ATAD2B: variants seen among roughly 807,000 people sequenced by gnomAD.
The protein encoded by ATAD2B is ATPase family AAA domain containing 2B, also known as ATPase family AAA domain-containing protein 2B.
ATAD2B carries 40 observed loss-of-function variants against 167.6 expected under a neutral mutation model. The observed-to-expected ratio is 0.24, with a 90% CI of 0.19 to 0.31. The LOEUF (loss-of-function observed/expected upper bound fraction) is 0.31, where lower values mean the gene tolerates loss of function less well. Among genes scored for constraint, ATAD2B ranks in the 10% least tolerant of loss-of-function variants. The pLI is 1.00. For missense variants in ATAD2B, 1,242 were observed against 1,757.2 expected, an observed-to-expected ratio of 0.71 and a Z score of 5.24; for synonymous variants, 579 against 596.5, an observed-to-expected ratio of 0.97 and a Z score of 0.43.
chr2:23,761,672 A>T (rs1676759327), intron 24 of ATAD2B, among the ~76,000 whole-genome samples: 1 of 152,244 alleles, frequency 6.6e-6, no homozygotes, highest in Non-Finnish European at 1.5e-5. Flanking sequence ...TGGAAATGTT[A>T]TAGATCAACA....
At chr2:23,845,290 G>A (rs1192359494) in intron 13 of ATAD2B, among the ~76,000 whole-genome samples, 1 of 152,008 alleles carries the variant, frequency 6.6e-6, no homozygotes, top group East Asian at 1.9e-4. Context: ...ATTCATAATA[G>A]CCCAAACTGG....
the ATAD2B span, among the ~76,000 whole-genome samples, chr2:23,723,916 A>G: frequency 1.3e-5 from 2 of 152,256 alleles, no homozygotes; most frequent in Non-Finnish European, 2.9e-5. Flanking sequence ...GTGGTTATAT[A>G]CACCATGGAA....
At chr2:23,737,724 A>G in the ATAD2B span, among the ~76,000 whole-genome samples, 1 of 152,250 alleles carries the variant, frequency 6.6e-6, no homozygotes, top group African/African-American at 2.4e-5. Flanking sequence ...TTGAGAGAAG[A>G]AGGTTTCAGA....
rs748870148 is a variant in ATAD2B, at chr2:23,757,789, T to C, written c.3707A>G (p.Glu1236Gly). ...GTKENFASTE[E>G]ESSNESLLVN... is the part of the protein sequence containing the mutation. Reference sequence around the variant, plus strand: ...CAGTAGAGATTCATTTGAACTTTCCTCCTCAGTAGATGCAAAGTTCTCTTT... The same window carrying C: ...CAGTAGAGATTCATTTGAACTTTCCCCCTCAGTAGATGCAAAGTTCTCTTT... The change falls in exon 25 of 28, where the codon GAG (glutamate) becomes GGG (glycine). Residue 1236 changes from glutamate to glycine, a missense_variant. This residue lies in a region of ATAD2B where 282 missense variants were observed against 346.8 expected (regional missense o/e 0.81). Transcript: ENST00000238789. The C allele has an allele frequency of 6.3e-6, 10 of 1,575,228 alleles. No homozygotes were observed. Among genetic ancestry groups the C allele is most frequent in the Non-Finnish European group, 7.7e-6 (9 of 1,165,516 alleles).
chr2:23,879,922 G>A (rs774879400), intron 7 of ATAD2B, among the ~76,000 whole-genome samples: 24 of 152,044 alleles, frequency 1.6e-4, no homozygotes, highest in African/African-American at 2.2e-4. Context: ...GCCAGATGTG[G>A]TTGCGGGCAC....
chr2:23,880,527 C>T (rs1697719436), intron 7 of ATAD2B, 112 bp downstream of exon 7: 1 of 636,478 alleles, frequency 1.6e-6, no homozygotes, highest in East Asian at 2.8e-5. Flanking sequence ...CGCACCACTG[C>T]ACTCCAGCCT....
chr2:23,875,888 T>C lies in ATAD2B; in HGVS notation c.918A>G (p.Lys306=), dbSNP rs1424379731. The part of the protein sequence containing the change: ...QAPPIVPAHQ[K]KRENTLFDIH... ...TATCAAACAGCGTGTTTTCCCTCTT[T>C]TTTTGATGAGCTGGTACTAAAAGGG... Residue 306 remains lysine, a synonymous_variant, in exon 8 of 28, where the codon AAA becomes AAG. Coordinates refer to ENST00000238789, the MANE Select transcript of ATAD2B (RefSeq NM_017552.4). 2.5e-6 allele frequency: 4 copies of C among 1,607,864 alleles called. No homozygotes were observed. The South Asian group carries it at 4.4e-5, about 18-fold the overall frequency.
At chr2:23,701,879 C>T in the ATAD2B span, among the ~76,000 whole-genome samples, 2 of 150,184 alleles carry the variant, frequency 1.3e-5, no homozygotes, top group Non-Finnish European at 2.9e-5. Context: ...TGGCTCACCG[C>T]AGCCTCTGCC....
intron 18 of ATAD2B, among the ~76,000 whole-genome samples, chr2:23,799,141 G>A (rs1333823673): frequency 3.3e-4 from 50 of 152,014 alleles, no homozygotes; most frequent in Admixed American, 3.3e-3. Flanking sequence ...ATGTTAATAG[G>A]ACATTTCTCA....
At chr2:23,742,589 G>A in the ATAD2B span, among the ~76,000 whole-genome samples, 13 of 150,930 alleles carry the variant, frequency 8.6e-5, no homozygotes, top group Non-Finnish European at 1.3e-4. Flanking sequence ...AGCATTAGGA[G>A]ATATACCTAA....
At chr2:23,857,342 G>C (rs1294239652) in intron 13 of ATAD2B, 73 bp downstream of exon 13, 1 of 792,488 alleles carries the variant, frequency 1.3e-6, no homozygotes, top group East Asian at 3.2e-5. Context: ...ATAGCACTTA[G>C]CTAAGGGCTA....
chr2:23,762,384 C>T, intron 23 of ATAD2B, 38 bp from the exon 24 acceptor site: 1 of 1,578,602 alleles, frequency 6.3e-7, no homozygotes, highest in Non-Finnish European at 8.6e-7. Flanking sequence ...TTTAAATATT[C>T]CCAGCTACAT....
At chr2:23,899,389 T>TTTGA (rs1700527140) in intron 1 of ATAD2B, among the ~76,000 whole-genome samples, 1 of 151,702 alleles carries the variant, frequency 6.6e-6, no homozygotes, top group Non-Finnish European at 1.5e-5. Context: ...TATGAGCATG[T>TTTGA]ATATAATTAA....
chr2:23,720,103 C>G, the ATAD2B span, among the ~76,000 whole-genome samples: 8 of 152,252 alleles, frequency 5.3e-5, no homozygotes, highest in African/African-American at 1.9e-4. Flanking sequence ...AGTGACCTAG[C>G]AGCAAAAAAA....
chr2:23,872,340 G>C (rs1696121181), intron 8 of ATAD2B: 4 of 601,866 alleles, frequency 6.6e-6, no homozygotes, highest in Middle Eastern at 1.0e-3. Context: ...TGGTCTTCAA[G>C]TTCTTGTCAA....
At chr2:23,921,629 G>C (rs888721881) in intron 1 of ATAD2B, among the ~76,000 whole-genome samples, 8 of 152,196 alleles carry the variant, frequency 5.3e-5, no homozygotes, top group Non-Finnish European at 1.0e-4. Flanking sequence ...ACAACAGAAT[G>C]CGTGTATATC....
intron 6 of ATAD2B, chr2:23,883,750 T>C: frequency 2.5e-6 from 1 of 402,018 alleles, no homozygotes; most frequent in South Asian, 2.4e-5. Flanking sequence ...GTCTTCTCAA[T>C]CTAAACTACA....
downstream of ATAD2B, among the ~76,000 whole-genome samples, chr2:23,747,921 C>T (rs991595252): frequency 6.6e-6 from 1 of 152,060 alleles, no homozygotes; most frequent in Non-Finnish European, 1.5e-5. Flanking sequence ...ATAAATAAAA[C>T]TTCATCTCCA....
intron 13 of ATAD2B, among the ~76,000 whole-genome samples, chr2:23,840,087 T>C (rs1053721810): frequency 2.0e-5 from 3 of 152,226 alleles, no homozygotes; most frequent in Non-Finnish European, 4.4e-5. Flanking sequence ...TGCTAAGTAA[T>C]ATTCCATTAT....
Sources: gnomAD v4.1 joint callset for allele counts (sites outside exome capture counted in the v4.1 genomes callset) on GRCh38, gnomAD v4.1.1 for gene constraint, gnomAD v4.1.1 regional missense constraint, MANE v1.5 for transcripts, NCBI Gene and HGNC (gene_info 2026-07-23, HGNC 2026-07-21) for gene names.